PEBP4: variants seen among roughly 807,000 people sequenced by gnomAD.
PEBP4 encodes phosphatidylethanolamine binding protein 4.
PEBP4 carries 22 observed loss-of-function variants against 23.9 expected under a neutral mutation model. The ratio of observed to expected loss-of-function variants is 0.92; its 90% CI spans 0.66 to 1.31. The LOEUF (loss-of-function observed/expected upper bound fraction) is 1.31. Among genes scored for constraint, PEBP4 ranks in the 40% most tolerant of loss-of-function variants. The pLI is 0.00. For missense variants in PEBP4, 324 were observed against 281.7 expected, an observed-to-expected ratio of 1.15 and a Z score of -1.07; for synonymous variants, 112 against 99.3, an observed-to-expected ratio of 1.13 and a Z score of -0.76.
intron 3 of PEBP4, among the ~76,000 whole-genome samples, chr8:22,866,710 G>GA (rs1807910224): frequency 1.3e-5 from 2 of 150,378 alleles, no homozygotes; most frequent in Admixed American, 1.3e-4. Flanking sequence ...AAACACACAG[G>GA]AAAAAAACAG....
At chr8:22,879,574 C>T (rs1332272868) in intron 3 of PEBP4, among the ~76,000 whole-genome samples, 1 of 152,210 alleles carries the variant, frequency 6.6e-6, no homozygotes, top group Non-Finnish European at 1.5e-5. Flanking sequence ...AGATCACAGG[C>T]TCATTCCCAT....
intron 6 of PEBP4, among the ~76,000 whole-genome samples, chr8:22,721,382 T>C (rs532933819): frequency 1.4e-4 from 21 of 152,240 alleles, no homozygotes; most frequent in African/African-American, 5.1e-4. Context: ...ATGTACATTG[T>C]CCTGTGGTCA....
chr8:22,761,118 A>C (rs1375987231), intron 4 of PEBP4, among the ~76,000 whole-genome samples: 1 of 152,008 alleles, frequency 6.6e-6, no homozygotes, highest in Non-Finnish European at 1.5e-5. Flanking sequence ...GCCAGGCCCC[A>C]AAGCCTGGAG....
chr8:22,897,204 C>T (rs1039052200), intron 3 of PEBP4, among the ~76,000 whole-genome samples: 5 of 152,092 alleles, frequency 3.3e-5, no homozygotes, highest in African/African-American at 9.7e-5. Flanking sequence ...CCTCCTCTTC[C>T]ATCTTCTTTA....
intron 3 of PEBP4, among the ~76,000 whole-genome samples, chr8:22,890,284 G>T (rs1808467418): frequency 6.6e-6 from 1 of 152,236 alleles, no homozygotes; most frequent in African/African-American, 2.4e-5. Context: ...CATCAGTTCA[G>T]TAGGTCTGGA....
At chr8:22,918,220 C>G (rs574649030) in intron 3 of PEBP4, among the ~76,000 whole-genome samples, 1 of 152,232 alleles carries the variant, frequency 6.6e-6, no homozygotes, top group Non-Finnish European at 1.5e-5. Flanking sequence ...AGGTCTGTTA[C>G]ATTTCCATAA....
intron 3 of PEBP4, among the ~76,000 whole-genome samples, chr8:22,832,025 G>T (rs1473953431): frequency 6.6e-6 from 1 of 152,134 alleles, no homozygotes; most frequent in Non-Finnish European, 1.5e-5. Flanking sequence ...GAGAATTCCT[G>T]CATGTGATGT....
chr8:22,740,875 A>G (rs986222359), intron 4 of PEBP4, among the ~76,000 whole-genome samples: 6 of 152,244 alleles, frequency 3.9e-5, no homozygotes, highest in South Asian at 4.1e-4. Context: ...TGGGTGTGCT[A>G]TTCTGAGCCT....
At chr8:22,715,957 G>A (rs1482162134) in intron 6 of PEBP4, among the ~76,000 whole-genome samples, 1 of 152,160 alleles carries the variant, frequency 6.6e-6, no homozygotes, top group African/African-American at 2.4e-5. Flanking sequence ...TCCCCGAGAG[G>A]CAGAGAGTCC....
intron 3 of PEBP4, among the ~76,000 whole-genome samples, chr8:22,854,654 A>G (rs529626122): frequency 1.3e-5 from 2 of 152,302 alleles, no homozygotes; most frequent in African/African-American, 4.8e-5. Context: ...GCGATTTGTC[A>G]GGATTGTTGT....
In PEBP4 at chr8:22,775,819, C is replaced by T. The variant is rs901177246; in HGVS notation, c.357+41818G>A. ...GGGTTCTCCAGGCTGGAAGGGCTTC[C>T]GGAATCTCTGAGTGGGCAGGAAGGA... On this transcript the variant is annotated intron_variant, in intron 4 of 6. Transcript: ENST00000256404. The surrounding 1 kb of genome is among the most constrained non-coding windows in gnomAD (Gnocchi z 4.8). 2.6e-5 allele frequency among the ~76,000 whole-genome samples: 4 copies of T among 152,042 alleles called. No homozygotes were observed. The highest frequency in any genetic ancestry group is 4.4e-5 in the Non-Finnish European group (3 of 68,010).
intron 3 of PEBP4, among the ~76,000 whole-genome samples, chr8:22,894,196 G>T (rs1361097019): frequency 1.3e-5 from 2 of 149,294 alleles, no homozygotes; most frequent in African/African-American, 4.8e-5. Flanking sequence ...TCAGAATGAT[G>T]AATATAAAGA....
intron 3 of PEBP4, chr8:22,879,265 T>C (rs759633020): frequency 6.6e-6 from 1 of 152,238 alleles, no homozygotes; most frequent in Non-Finnish European, 1.5e-5. Context: ...GCGACATGTC[T>C]GCTTCTGGAC....
intron 3 of PEBP4, among the ~76,000 whole-genome samples, chr8:22,834,521 A>C (rs1318455120): frequency 6.6e-6 from 1 of 152,146 alleles, no homozygotes; most frequent in African/African-American, 2.4e-5. Flanking sequence ...ATTGAGAAAG[A>C]GGTATTGTGC....
intron 3 of PEBP4, among the ~76,000 whole-genome samples, chr8:22,820,703 G>T (rs2128762420): frequency 6.6e-6 from 1 of 152,300 alleles, no homozygotes; most frequent in African/African-American, 2.4e-5. Flanking sequence ...TACTTGGTAA[G>T]GGCATGTGCA....
upstream of PEBP4, among the ~76,000 whole-genome samples, chr8:22,930,826 T>C (rs1253527579): frequency 1.3e-5 from 2 of 152,130 alleles, no homozygotes; most frequent in African/African-American, 4.8e-5. Flanking sequence ...GGAGTGACAA[T>C]TCTCCCTCCC....
At chr8:22,758,619 C>T (rs1284540294) in intron 4 of PEBP4, among the ~76,000 whole-genome samples, 1 of 152,188 alleles carries the variant, frequency 6.6e-6, no homozygotes, top group African/African-American at 2.4e-5. Context: ...CTCACTTGGC[C>T]TGCCCCGGAG....
intron 4 of PEBP4, among the ~76,000 whole-genome samples, chr8:22,813,660 A>G (rs945137581): frequency 2.0e-5 from 3 of 152,254 alleles, no homozygotes; most frequent in African/African-American, 7.2e-5. Flanking sequence ...GATCATCTTT[A>G]AGGAAATGCT....
At chr8:22,787,988 C>T (rs1408163547) in intron 4 of PEBP4, among the ~76,000 whole-genome samples, 2 of 151,958 alleles carry the variant, frequency 1.3e-5, no homozygotes, top group Non-Finnish European at 2.9e-5. Flanking sequence ...CAGGGGGAGG[C>T]GTGCAACGGG....
Sources: gnomAD v4.1 joint callset for allele counts (sites outside exome capture counted in the v4.1 genomes callset) on GRCh38, gnomAD v4.1.1 for gene constraint, Gnocchi (gnomAD v3.1) non-coding constraint, MANE v1.5 for transcripts, NCBI Gene and HGNC (gene_info 2026-07-23, HGNC 2026-07-21) for gene names.